Variants in ACOXL observed in about 807,000 individuals in gnomAD.
The protein encoded by ACOXL is acyl-coenzyme A oxidase-like protein.
In ACOXL, 70 loss-of-function variants were observed where a neutral mutation model predicts 71.9. The ratio of observed to expected loss-of-function variants is 0.97; its 90% CI spans 0.80 to 1.19. ACOXL has a LOEUF of 1.19. ACOXL is among the 50% of genes most tolerant of loss of function. The pLI is 0.00. For missense variants in ACOXL, 703 were observed against 736.3 expected (o/e 0.95, Z 0.52); for synonymous variants, 253 against 281.6 (o/e 0.90, Z 1.02).
At chr2:110,759,029 A>G (rs539951956) in intron 1 of ACOXL, among the ~76,000 whole-genome samples, 2 of 152,174 alleles carry the variant, frequency 1.3e-5, no homozygotes, top group Non-Finnish European at 2.9e-5. Flanking sequence ...ATTGCTCTGC[A>G]GTCTGAGAGA....
intron 1 of ACOXL, among the ~76,000 whole-genome samples, chr2:110,762,259 A>G (rs769740241): frequency 1.1e-4 from 16 of 152,158 alleles, no homozygotes; most frequent in Non-Finnish European, 2.2e-4. Flanking sequence ...TTTCTTGCAG[A>G]TAGCATATTT....
At chr2:111,076,014 A>G (rs1231583687) in intron 16 of ACOXL, among the ~76,000 whole-genome samples, 2 of 152,024 alleles carry the variant, frequency 1.3e-5, no homozygotes, top group Non-Finnish European at 2.9e-5. Flanking sequence ...CTTGGTGGAT[A>G]TTTCATTTGT....
chr2:110,793,651 G>A lies in ACOXL; in HGVS notation c.161G>A (p.Cys54Tyr), dbSNP rs1358408337. ...SMADMATGVK[C>Y]GIIYWLFGGA... ...GGTTTGTATTGTCCTTGTTTCCAGTGCGGAATAATTTATTGGCTATTTGGT... is the reference window on the plus strand; with the variant it reads ...GGTTTGTATTGTCCTTGTTTCCAGTACGGAATAATTTATTGGCTATTTGGT... The change falls in exon 4 of 18, where the codon TGC (cysteine) becomes TAC (tyrosine). Residue 54 changes from cysteine (C) to tyrosine (Y), a missense_variant and splice_region_variant. By Grantham distance (194) the Cys-to-Tyr change is radical. Coordinates refer to ENST00000439055, the MANE Select transcript of ACOXL (RefSeq NM_001142807.4). 3 of 1,613,674 alleles carry A rather than the reference G, an allele frequency of 1.9e-6. No homozygotes were observed. Among genetic ancestry groups the A allele is most frequent in the Non-Finnish European group, 2.5e-6 (3 of 1,179,766 alleles).
intron 2 of ACOXL, among the ~76,000 whole-genome samples, chr2:110,771,496 G>A (rs1681923491): frequency 6.6e-6 from 1 of 152,184 alleles, no homozygotes; most frequent in Non-Finnish European, 1.5e-5. Context: ...TGTTCTAGGG[G>A]ACAAATAAGA....
At chr2:110,927,989 A>T (rs1237748430) in intron 11 of ACOXL, among the ~76,000 whole-genome samples, 1 of 152,198 alleles carries the variant, frequency 6.6e-6, no homozygotes, top group Non-Finnish European at 1.5e-5. Context: ...AACAATTTTA[A>T]AAAATCAATA....
intron 17 of ACOXL, among the ~76,000 whole-genome samples, chr2:111,109,821 G>A (rs2069822331): frequency 6.6e-6 from 1 of 151,738 alleles, no homozygotes; most frequent in African/African-American, 2.4e-5. Flanking sequence ...TGGGATTACA[G>A]ACATGCACCA....
At chr2:110,892,781 A>G (rs1698066959) in intron 10 of ACOXL, among the ~76,000 whole-genome samples, 1 of 152,174 alleles carries the variant, frequency 6.6e-6, no homozygotes, top group Admixed American at 6.5e-5. Flanking sequence ...ATAAAGTGGG[A>G]GAGAGGTTAA....
At chr2:110,954,395 A>G (rs2061427350) in intron 12 of ACOXL, among the ~76,000 whole-genome samples, 1 of 151,836 alleles carries the variant, frequency 6.6e-6, no homozygotes, top group South Asian at 2.1e-4. Context: ...CTATTTGTTG[A>G]GTCTTATCTC....
chr2:110,865,139 C>T (rs1426074546), intron 10 of ACOXL, among the ~76,000 whole-genome samples: 1 of 152,194 alleles, frequency 6.6e-6, no homozygotes, highest in Non-Finnish European at 1.5e-5. Context: ...AAAATGCATG[C>T]CAACTGGAAA....
chr2:111,022,427 AC>A (rs2064809549), intron 14 of ACOXL, among the ~76,000 whole-genome samples: 1 of 151,606 alleles, frequency 6.6e-6, no homozygotes, highest in African/African-American at 2.4e-5. Flanking sequence ...CTCCTCACAC[AC>A]ACACACACAC....
intron 12 of ACOXL, among the ~76,000 whole-genome samples, chr2:110,938,458 T>A (rs1435076416): frequency 6.6e-6 from 1 of 152,238 alleles, no homozygotes; most frequent in Non-Finnish European, 1.5e-5. Flanking sequence ...AGCATGGTGC[T>A]TGGCACATAT....
At chr2:110,797,708 C>T (rs1482014935) in intron 5 of ACOXL, among the ~76,000 whole-genome samples, 1 of 152,208 alleles carries the variant, frequency 6.6e-6, no homozygotes, top group African/African-American at 2.4e-5. Context: ...CAAAGTGCGA[C>T]TCACAGATGC....
chr2:111,049,111 G>T, intron 15 of ACOXL, 107 bp from the exon 16 acceptor site: 1 of 896,788 alleles, frequency 1.1e-6, no homozygotes, highest in South Asian at 1.5e-5. Flanking sequence ...AGGAAGGACG[G>T]ACAGCATGCT....
intron 16 of ACOXL, among the ~76,000 whole-genome samples, chr2:111,070,521 A>G (rs1162402442): frequency 6.6e-6 from 1 of 152,184 alleles, no homozygotes; most frequent in African/African-American, 2.4e-5. Flanking sequence ...GAGTAGGGAG[A>G]GGAACAGAAT....
At chr2:111,003,925 A>G (rs987320382) in intron 14 of ACOXL, among the ~76,000 whole-genome samples, 1 of 152,222 alleles carries the variant, frequency 6.6e-6, no homozygotes, top group Non-Finnish European at 1.5e-5. Context: ...ATGATAAATT[A>G]AGGCAAAACC....
intron 1 of ACOXL, among the ~76,000 whole-genome samples, chr2:110,760,862 A>G (rs577893017): frequency 6.6e-6 from 1 of 152,306 alleles, no homozygotes; most frequent in South Asian, 2.1e-4. Flanking sequence ...GCTTCTCTCA[A>G]ATTTACCAAT....
Position 110,973,081 on chromosome 2 carries a change from T to G in ACOXL, c.1060-14027T>G, listed in dbSNP as rs538399114. Reference sequence around the variant, plus strand: ...AGTCTCAGGCCTTTCATGTTAACTTTATTTTGCACATGGTGCCATAAGATA... The same window carrying G: ...AGTCTCAGGCCTTTCATGTTAACTTGATTTTGCACATGGTGCCATAAGATA... On this transcript the variant is annotated intron_variant, in intron 12 of 17. Transcript: ENST00000439055. Among the ~76,000 whole-genome samples the G allele has an allele frequency of 1.2e-4, 19 of 152,352 alleles. No individual in the cohort carries two copies. In the East Asian group the frequency reaches 3.7e-3, roughly 29 times the overall value.
At chr2:111,002,558 T>G (rs2063685623) in intron 14 of ACOXL, among the ~76,000 whole-genome samples, 1 of 152,240 alleles carries the variant, frequency 6.6e-6, no homozygotes, top group Admixed American at 6.5e-5. Context: ...AGTATGGCTT[T>G]CAGACTTTAC....
At chr2:110,766,869 A>G (rs1332985243) in intron 1 of ACOXL, among the ~76,000 whole-genome samples, 1 of 152,124 alleles carries the variant, frequency 6.6e-6, no homozygotes, top group Non-Finnish European at 1.5e-5. Flanking sequence ...TCAGCTCCCT[A>G]CTTGGCCCAC....
Sources: allele counts gnomAD v4.1 joint callset (sites outside exome capture counted in the v4.1 genomes callset), GRCh38; gene constraint gnomAD v4.1.1; transcripts MANE v1.5; gene names NCBI Gene and HGNC (gene_info 2026-07-23, HGNC 2026-07-21).